LIPK: variants seen among roughly 807,000 people sequenced by gnomAD.
The protein encoded by LIPK is lipase family member K, also known as lipase member K.
LIPK carries 32 observed loss-of-function variants against 48.6 expected under a neutral mutation model. The observed-to-expected ratio is 0.66, with a 90% CI of 0.50 to 0.88. LIPK has a LOEUF of 0.88. LIPK is among the 40% of genes least tolerant of loss of function. The pLI is 0.00. For missense variants in LIPK, 507 were observed against 478.5 expected, an observed-to-expected ratio of 1.06 and a Z score of -0.56; for synonymous variants, 164 against 157.4, an observed-to-expected ratio of 1.04 and a Z score of -0.32.
intron 9 of LIPK, among the ~76,000 whole-genome samples, chr10:88,746,346 C>G (rs1014410712): frequency 3.9e-5 from 6 of 152,018 alleles, no homozygotes; most frequent in Non-Finnish European, 7.4e-5. Flanking sequence ...GTGCACATGG[C>G]ATATACTCTA....
At chr10:88,714,921 C>T (rs1842089575) in intron 1 of LIPK, among the ~76,000 whole-genome samples, 1 of 151,762 alleles carries the variant, frequency 6.6e-6, no homozygotes, top group Non-Finnish European at 1.5e-5. Context: ...ATTTGATTCT[C>T]TTTTTCTAAC....
intron 3 of LIPK, among the ~76,000 whole-genome samples, chr10:88,730,519 T>C (rs1020896940): frequency 1.3e-5 from 2 of 152,180 alleles, no homozygotes; most frequent in African/African-American, 4.8e-5. Context: ...CTCGATCTCC[T>C]GACCTCGTGA....
intron 9 of LIPK, among the ~76,000 whole-genome samples, chr10:88,752,301 A>T (rs576339123): frequency 4.6e-5 from 7 of 152,344 alleles, no homozygotes; most frequent in African/African-American, 1.7e-4. Flanking sequence ...AGTCAGAAAT[A>T]CAATAATTGA....
At chr10:88,711,568 G>A (rs1348358251) in intron 1 of LIPK, among the ~76,000 whole-genome samples, 1 of 152,168 alleles carries the variant, frequency 6.6e-6, no homozygotes, top group African/African-American at 2.4e-5. Context: ...CACCTCCTGG[G>A]TTCAAGTGAT....
chr10:88,732,455 G>C lies in LIPK; in HGVS notation c.573G>C (p.Lys191Asn). Residue 191 changes from lysine to asparagine, a missense_variant, in exon 6 of 10, where the codon AAG becomes AAC. Physicochemically the swap from Lys to Asn is moderately conservative, Grantham distance 94. Transcript: ENST00000404190. ...CTACAAACCCAGAACTGGCTAAAAA[G>C]ATTAAGATATTTTTTGCACTGGCTC... ...AFSTNPELAKKIKIFFALAPV... is the reference protein window; with the variant it reads ...AFSTNPELAKNIKIFFALAPV... 6.2e-7 allele frequency: 1 copy of C among 1,613,584 alleles called. No homozygotes were observed. Among genetic ancestry groups the C allele is most frequent in the Non-Finnish European group, 8.5e-7 (1 of 1,179,728 alleles).
At chr10:88,733,249 TCTC>T (rs1410314803) in intron 6 of LIPK, among the ~76,000 whole-genome samples, 1 of 152,198 alleles carries the variant, frequency 6.6e-6, no homozygotes, top group Admixed American at 6.5e-5. Flanking sequence ...GGCCTCCTAA[TCTC>T]CTCTAGTTGA....
intron 4 of LIPK, among the ~76,000 whole-genome samples, chr10:88,731,564 T>A (rs922144438): frequency 6.6e-6 from 1 of 152,246 alleles, no homozygotes; most frequent in African/African-American, 2.4e-5. Context: ...TGCACTGGCA[T>A]AGGAGCTAAG....
chr10:88,720,971 C>G (rs1842212758), intron 1 of LIPK, among the ~76,000 whole-genome samples: 1 of 151,658 alleles, frequency 6.6e-6, no homozygotes, highest in African/African-American at 2.4e-5. Flanking sequence ...GTACTTGCAA[C>G]CAAGGGTCAC....
intron 6 of LIPK, among the ~76,000 whole-genome samples, chr10:88,733,291 T>A (rs1392660904): frequency 6.6e-6 from 1 of 152,214 alleles, no homozygotes; most frequent in Non-Finnish European, 1.5e-5. Context: ...ATTTATCTAG[T>A]CCAGGTAAAT....
intron 1 of LIPK, among the ~76,000 whole-genome samples, chr10:88,720,171 A>T (rs1433367832): frequency 6.6e-6 from 1 of 152,212 alleles, no homozygotes; most frequent in East Asian, 1.9e-4. Flanking sequence ...TAAAAGTAGC[A>T]GCTGTCTCCA....
Position 88,744,340 on chromosome 10 carries a change from G to A in LIPK, c.960+1019G>A, listed in dbSNP as rs116358942. Reference sequence around the variant, plus strand: ...TCCCCTGACTGCTTTGCAAGCATGCGTGTGTGCAAACCTTGCCACCACCAC... The same window carrying A: ...TCCCCTGACTGCTTTGCAAGCATGCATGTGTGCAAACCTTGCCACCACCAC... On this transcript the variant is annotated intron_variant, in intron 9 of 9. Coordinates refer to ENST00000404190, the MANE Select transcript of LIPK (RefSeq NM_001080518.2). Among the ~76,000 whole-genome samples the A allele has an allele frequency of 4.6e-3, 695 of 152,328 alleles. 9 individuals are homozygous for A. Among genetic ancestry groups the A allele is most frequent in the Middle Eastern group, 0.024 (7 of 294 alleles).
chr10:88,726,594 T>C (rs977792909), intron 2 of LIPK, among the ~76,000 whole-genome samples: 2 of 152,208 alleles, frequency 1.3e-5, no homozygotes, highest in Admixed American at 6.5e-5. Flanking sequence ...CTTGGAAGAC[T>C]GAGGTGGGAG....
chr10:88,729,341 T>G (rs1842419926), intron 3 of LIPK, among the ~76,000 whole-genome samples: 1 of 152,044 alleles, frequency 6.6e-6, no homozygotes, highest in Non-Finnish European at 1.5e-5. Flanking sequence ...ATTTTATACT[T>G]TGACATGTCG....
At chr10:88,734,623 A>T (rs1334527887) in intron 6 of LIPK, among the ~76,000 whole-genome samples, 1 of 152,180 alleles carries the variant, frequency 6.6e-6, no homozygotes, top group Non-Finnish European at 1.5e-5. Flanking sequence ...AAAGGACATC[A>T]AGAAGGGTGA....
At chr10:88,720,003 G>A (rs1409353822) in intron 1 of LIPK, among the ~76,000 whole-genome samples, 1 of 152,064 alleles carries the variant, frequency 6.6e-6, no homozygotes, top group African/African-American at 2.4e-5. Flanking sequence ...ATGCATCAAG[G>A]CAATATTCTC....
chr10:88,714,031 T>A (rs1351592756), intron 1 of LIPK, among the ~76,000 whole-genome samples: 3 of 152,124 alleles, frequency 2.0e-5, no homozygotes, highest in African/African-American at 7.2e-5. Flanking sequence ...TTGTTGTTGT[T>A]TTCTCTTTCG....
At chr10:88,714,074 C>T (rs747783274) in intron 1 of LIPK, among the ~76,000 whole-genome samples, 8 of 152,026 alleles carry the variant, frequency 5.3e-5, no homozygotes, top group East Asian at 1.9e-4. Context: ...TCCAGTATCA[C>T]GGTAAATGGA....
chr10:88,724,214 C>T (rs964682100), intron 1 of LIPK, among the ~76,000 whole-genome samples: 9 of 152,252 alleles, frequency 5.9e-5, no homozygotes, highest in African/African-American at 1.7e-4. Flanking sequence ...AATTTATTGG[C>T]CATTATATTT....
intron 6 of LIPK, among the ~76,000 whole-genome samples, chr10:88,733,311 T>C (rs1327069260): frequency 1.3e-5 from 2 of 152,190 alleles, no homozygotes; most frequent in East Asian, 1.9e-4. Flanking sequence ...TTGCATTGCA[T>C]GGGTTGGTGT....
Sources: allele counts gnomAD v4.1 joint callset (sites outside exome capture counted in the v4.1 genomes callset), GRCh38; gene constraint gnomAD v4.1.1; transcripts MANE v1.5; gene names NCBI Gene and HGNC (gene_info 2026-07-23, HGNC 2026-07-21).